The following ADAMTS2 variants were observed in gnomAD, a reference collection of about 807,000 sequenced individuals.
The protein encoded by ADAMTS2 is ADAM metallopeptidase with thrombospondin type 1 motif 2, also known as A disintegrin and metalloproteinase with thrombospondin motifs 2.
In ADAMTS2, 50 loss-of-function variants were observed where a neutral mutation model predicts 123.0. That is an observed-to-expected ratio of 0.41 (90% CI 0.32 to 0.51). The LOEUF (loss-of-function observed/expected upper bound fraction) is 0.51, where lower values mean the gene tolerates loss of function less well. ADAMTS2 is among the 20% of genes least tolerant of loss of function. The pLI, the probability that ADAMTS2 is intolerant of heterozygous loss-of-function variation, is 0.35. For synonymous variants in ADAMTS2, 678 were observed against 695.4 expected, an observed-to-expected ratio of 0.98 and a Z score of 0.39; for missense variants, 1,494 against 1,705.2, an observed-to-expected ratio of 0.88 and a Z score of 2.18.
chr5:179,220,286 C>T (rs1328719235), intron 3 of ADAMTS2, among the ~76,000 whole-genome samples: 2 of 152,166 alleles, frequency 1.3e-5, no homozygotes, highest in Admixed American at 6.5e-5. Context: ...AGGTGGGGGC[C>T]GGCAAGTGGG....
At chr5:179,344,205 C>T (rs1651112350) in intron 1 of ADAMTS2, 44 bp from the exon 2 acceptor site, 1 of 1,541,636 alleles carries the variant, frequency 6.5e-7, no homozygotes, top group African/African-American at 1.4e-5. Flanking sequence ...CCACGGAGCC[C>T]CAGTGCCTCA....
intron 15 of ADAMTS2, among the ~76,000 whole-genome samples, chr5:179,131,773 T>C (rs1762967942): frequency 6.6e-6 from 1 of 152,180 alleles, no homozygotes; most frequent in Non-Finnish European, 1.5e-5. Context: ...CTGGAATCTC[T>C]TGAATTTAAA....
intron 1 of ADAMTS2, among the ~76,000 whole-genome samples, 168 bp from the exon 2 acceptor site, chr5:179,344,329 G>A (rs1035952665): frequency 6.6e-5 from 10 of 152,184 alleles, no homozygotes; most frequent in Non-Finnish European, 1.3e-4. Context: ...TCCTGCAACC[G>A]GGAAGGGGCG....
In ADAMTS2 at chr5:179,228,033, G is replaced by A. The variant is rs1765326786; in HGVS notation, c.689-20318C>T. Among the ~76,000 whole-genome samples the A allele has an allele frequency of 6.6e-6, 1 of 152,166 alleles. No individual in the cohort carries two copies. Among genetic ancestry groups the A allele is most frequent in the African/African-American group, 2.4e-5 (1 of 41,454 alleles). ...AAGCCTTCCCTGCAAGGGACCCTCG[G>A]GAGGAGCCGCGTGGGAGGAGGAGAA... On this transcript the variant is annotated intron_variant, in intron 3 of 21. Coordinates refer to ENST00000251582, the MANE Select transcript of ADAMTS2 (RefSeq NM_014244.5). The surrounding 1 kb of genome is among the most constrained non-coding windows in gnomAD (Gnocchi z 5.2).
intron 5 of ADAMTS2, among the ~76,000 whole-genome samples, chr5:179,174,280 T>C (rs1385707963): frequency 2.0e-5 from 3 of 152,214 alleles, no homozygotes; most frequent in African/African-American, 7.2e-5. Context: ...GACAATTTTG[T>C]TTCCTTATGA....
chr5:179,326,683 T>C (rs1757329336), intron 2 of ADAMTS2, among the ~76,000 whole-genome samples: 1 of 152,156 alleles, frequency 6.6e-6, no homozygotes, highest in South Asian at 2.1e-4. Context: ...ATCCTCATCA[T>C]AACCCACCAG....
At position 179,114,160 on chromosome 5, in the gene ADAMTS2, C is replaced by T. The variant is rs200022037; in HGVS notation, c.3343G>A (p.Asp1115Asn). The change falls in exon 22 of 22, where the codon GAC becomes AAC. Residue 1115 changes from aspartate (D) to asparagine (N), a missense_variant. Physicochemically the swap from Asp to Asn is conservative, Grantham distance 23. This residue lies in a region of ADAMTS2 where 953 missense variants were observed against 1,124.7 expected (regional missense o/e 0.85). Transcript: ENST00000251582. ...RIEPPPGKHN[D>N]IDVFMPTLPV... The stretch of plus-strand genomic sequence containing the variant: ...AGGGTAGGCATGAACACGTCAATGT[C>T]GTTGTGCTTCCCAGGCGGTGGCTCT... The T allele has an allele frequency of 1.4e-4, 233 of 1,612,558 alleles. 2 individuals are homozygous for T. The highest frequency in any genetic ancestry group is 3.5e-4 in the Admixed American group (21 of 59,986).
chr5:179,129,780 C>A lies in ADAMTS2; in HGVS notation c.2457+152G>T, dbSNP rs945066130. Reference sequence around the variant, plus strand: ...GATGCATGTCCCTTCCTGGCTCTGACCAAGTCGGAGCCCCTTGGTGCCAAA... The same window carrying A: ...GATGCATGTCCCTTCCTGGCTCTGAACAAGTCGGAGCCCCTTGGTGCCAAA... On this transcript the variant is annotated intron_variant, in intron 16 of 21. Coordinates refer to ENST00000251582, the MANE Select transcript of ADAMTS2 (RefSeq NM_014244.5). This position sits in a 1 kb window ranked among gnomAD's most constrained non-coding sequence, Gnocchi z 4.1. 2.9e-6 allele frequency: 3 copies of A among 1,040,140 alleles called. No homozygotes were observed. The highest frequency in any genetic ancestry group is 2.8e-6 in the Non-Finnish European group (2 of 721,232). 64.4% of individuals were successfully genotyped at this position (1,040,140 alleles called of 1,614,324 possible).
At chr5:179,165,525 G>A (rs1435047200) in intron 5 of ADAMTS2, among the ~76,000 whole-genome samples, 1 of 152,138 alleles carries the variant, frequency 6.6e-6, no homozygotes. Flanking sequence ...TGCTGAGGGG[G>A]GGACCAGGAG....
rs1037428031 is a variant in ADAMTS2 at position 179,138,026 on chromosome 5, G to C, written c.1776-82C>G. 4.1e-6 allele frequency: 6 copies of C among 1,468,886 alleles called. No homozygotes were observed. The African/African-American group carries it at 8.4e-5, about 21-fold the overall frequency. The allele number at this position is 1,468,886 out of a possible 1,614,324, so 91.0% of individuals were successfully genotyped here. A position where few individuals can be genotyped will look rare whatever the true frequency, so the allele number is the denominator to read the frequency against. On this transcript the variant is annotated intron_variant, in intron 11 of 21. Coordinates refer to ENST00000251582, the MANE Select transcript of ADAMTS2 (RefSeq NM_014244.5). ...GGGTGCCCTTGTGAGATCTTTTTAGGGGGGATCCCTAAGTCTCAGGTGTCC... is the reference window on the plus strand; with the variant it reads ...GGGTGCCCTTGTGAGATCTTTTTAGCGGGGATCCCTAAGTCTCAGGTGTCC...
intron 1 of ADAMTS2, among the ~76,000 whole-genome samples, 190 bp downstream of exon 1, chr5:179,345,000 G>T (rs1489970387): frequency 3.3e-5 from 5 of 151,842 alleles, no homozygotes; most frequent in Non-Finnish European, 7.4e-5. Context: ...GGCCCAAGGC[G>T]CTCGGGGGCG....
chr5:179,269,855 G>A (rs1305207118), intron 3 of ADAMTS2, among the ~76,000 whole-genome samples: 1 of 152,122 alleles, frequency 6.6e-6, no homozygotes, highest in East Asian at 1.9e-4. Context: ...TGCCTGGGGG[G>A]ACACCTCAAC....
chr5:179,115,273 C>T lies in ADAMTS2; in HGVS notation c.3179-949G>A, dbSNP rs1032890079. 4.6e-5 allele frequency among the ~76,000 whole-genome samples: 7 copies of T among 152,160 alleles called. No homozygotes were observed. Among genetic ancestry groups the T allele is most frequent in the African/African-American group, 9.7e-5 (4 of 41,442 alleles). ...TCATTCAACCCATCAACTCTTCTTG[C>T]GCTCACACTCTCTTTACTCTCTGTC... On this transcript the variant is annotated intron_variant, in intron 21 of 21. Coordinates refer to ENST00000251582, the MANE Select transcript of ADAMTS2 (RefSeq NM_014244.5). This position sits in a 1 kb window ranked among gnomAD's most constrained non-coding sequence, Gnocchi z 4.4.
chr5:179,136,627 T>C (rs568875147), intron 12 of ADAMTS2, among the ~76,000 whole-genome samples: 15 of 143,896 alleles, frequency 1.0e-4, no homozygotes, highest in Non-Finnish European at 2.1e-4. Context: ...ACTGCGCCAC[T>C]GCACACTGCA....
intron 11 of ADAMTS2, among the ~76,000 whole-genome samples, chr5:179,139,646 A>T (rs1408029144): frequency 6.6e-6 from 1 of 152,272 alleles, no homozygotes; most frequent in Middle Eastern, 3.4e-3. Context: ...AAATCTGTCT[A>T]GAGTGGGCTG....
At chr5:179,257,493 G>A (rs898334626) in intron 3 of ADAMTS2, among the ~76,000 whole-genome samples, 4 of 152,238 alleles carry the variant, frequency 2.6e-5, no homozygotes, top group South Asian at 4.2e-4. Flanking sequence ...CGAACCCGGC[G>A]CCACGCCTGC....
rs574379552 is a variant in ADAMTS2 at position 179,115,561 on chromosome 5, A to G, written c.3179-1237T>C. ...CCCCGACGTGCCCTCCTTTTCCCTC[A>G]CTCTCCTTAGTTGAACTCATCTACT... is the stretch of plus-strand genomic sequence containing the variant. On this transcript the variant is annotated intron_variant, in intron 21 of 21. Transcript: ENST00000251582. The surrounding 1 kb of genome is among the most constrained non-coding windows in gnomAD (Gnocchi z 4.4). Among the ~76,000 whole-genome samples, 1 of 149,696 alleles carries G rather than the reference A, an allele frequency of 6.7e-6. No homozygotes were observed. Among genetic ancestry groups the G allele is most frequent in the Non-Finnish European group, 1.5e-5 (1 of 67,510 alleles).
At chr5:179,125,606 C>T (rs1581139061) in intron 18 of ADAMTS2, among the ~76,000 whole-genome samples, 1 of 152,242 alleles carries the variant, frequency 6.6e-6, no homozygotes, top group African/African-American at 2.4e-5. Context: ...CCCCCACCTG[C>T]CCATTTCCCA....
chr5:179,203,106 G>A (rs1002768638), intron 4 of ADAMTS2, among the ~76,000 whole-genome samples: 1 of 152,298 alleles, frequency 6.6e-6, no homozygotes, highest in South Asian at 2.1e-4. Flanking sequence ...GGCAGTGCAG[G>A]GCTGCCAGGG....
Sources: gnomAD v4.1 joint callset for allele counts (sites outside exome capture counted in the v4.1 genomes callset) on GRCh38, gnomAD v4.1.1 for gene constraint, gnomAD v4.1.1 regional missense constraint, Gnocchi (gnomAD v3.1) non-coding constraint, MANE v1.5 for transcripts, NCBI Gene and HGNC (gene_info 2026-07-23, HGNC 2026-07-21) for gene names.